TTC27: variants seen among roughly 807,000 people sequenced by gnomAD.
TTC27 encodes tetratricopeptide repeat protein 27.
Under a neutral mutation model 115.9 loss-of-function variants are expected in TTC27, and 79 were observed. The observed-to-expected ratio is 0.68, with a 90% CI of 0.57 to 0.82. TTC27 has a LOEUF of 0.82. Ranked by LOEUF, TTC27 falls within the 40% of genes least tolerant of loss-of-function variation. The pLI, the probability that TTC27 is intolerant of heterozygous loss-of-function variation, is 0.00. For synonymous variants in TTC27, 401 were observed against 356.0 expected, an observed-to-expected ratio of 1.13 and a Z score of -1.42; for missense variants, 1,054 against 993.1, an observed-to-expected ratio of 1.06 and a Z score of -0.82.
chr2:32,804,723 G>A (rs1038139700), intron 16 of TTC27, among the ~76,000 whole-genome samples: 5 of 151,450 alleles, frequency 3.3e-5, no homozygotes, highest in East Asian at 1.9e-4. Context: ...TAAGCATAAT[G>A]TTACAGTGAA....
intron 12 of TTC27, among the ~76,000 whole-genome samples, chr2:32,757,386 C>A (rs1669269973): frequency 6.6e-6 from 1 of 152,160 alleles, no homozygotes; most frequent in Admixed American, 6.5e-5. Context: ...TCCTTGAGGA[C>A]CCCAGAGGGC....
chr2:32,795,145 AAC>A (rs576480165), intron 16 of TTC27, among the ~76,000 whole-genome samples: 1 of 151,852 alleles, frequency 6.6e-6, no homozygotes, highest in African/African-American at 2.4e-5. Context: ...AAAAAAAAAA[AAC>A]AAACAAAACA....
chr2:32,729,154 T>C (rs752552020), intron 10 of TTC27, among the ~76,000 whole-genome samples: 3 of 152,234 alleles, frequency 2.0e-5, no homozygotes, highest in South Asian at 2.1e-4. Context: ...CTAGTGAGAA[T>C]GGATAGCTTT....
chr2:32,688,071 T>A (rs1468245694), intron 9 of TTC27, among the ~76,000 whole-genome samples: 2 of 152,148 alleles, frequency 1.3e-5, no homozygotes, highest in African/African-American at 4.8e-5. Context: ...AATAAATGAA[T>A]AAATTAAGAA....
chr2:32,817,313 C>A, intron 18 of TTC27, 144 bp from the exon 19 acceptor site: 1 of 619,220 alleles, frequency 1.6e-6, no homozygotes, highest in Non-Finnish European at 2.8e-6. Flanking sequence ...AATTATTATT[C>A]TTTTTCAACA....
At chr2:32,725,137 T>A in intron 10 of TTC27, among the ~76,000 whole-genome samples, 1 of 152,158 alleles carries the variant, frequency 6.6e-6, no homozygotes, top group East Asian at 1.9e-4. Context: ...AGGATGAGAT[T>A]TGAGTGGGGA....
intron 10 of TTC27, among the ~76,000 whole-genome samples, chr2:32,729,711 G>C (rs139428421): frequency 0.011 from 1,727 of 151,524 alleles, 32 homozygotes; most frequent in African/African-American, 0.041. Context: ...CTCTCTGCTT[G>C]TTACCTTTTA....
At chr2:32,664,785 C>A (rs1476595007) in intron 6 of TTC27, among the ~76,000 whole-genome samples, 3 of 151,616 alleles carry the variant, frequency 2.0e-5, no homozygotes, top group African/African-American at 4.8e-5. Context: ...CAAGTTTGGC[C>A]TCTCTGCATT....
At chr2:32,775,552 G>A (rs1669968718) in intron 13 of TTC27, among the ~76,000 whole-genome samples, 1 of 152,128 alleles carries the variant, frequency 6.6e-6, no homozygotes, top group African/African-American at 2.4e-5. Context: ...CTTTGCTGAT[G>A]CAGAAAACAA....
At chr2:32,742,809 A>G (rs1009879002) in intron 12 of TTC27, among the ~76,000 whole-genome samples, 4 of 152,058 alleles carry the variant, frequency 2.6e-5, no homozygotes, top group Non-Finnish European at 5.9e-5. Flanking sequence ...ATCAGAATCC[A>G]TTTTTTGCTC....
chr2:32,755,985 A>G (rs952792268), intron 12 of TTC27, among the ~76,000 whole-genome samples: 1 of 152,222 alleles, frequency 6.6e-6, no homozygotes, highest in Admixed American at 6.5e-5. Context: ...ATCATGGGAT[A>G]TCATGGACTA....
intron 13 of TTC27, among the ~76,000 whole-genome samples, chr2:32,765,317 G>C (rs35797726): frequency 0.37 from 56,340 of 151,628 alleles, 10,929 homozygotes; most frequent in South Asian, 0.51. Context: ...CTTGTGTGAC[G>C]AGGTGCTATG....
At chr2:32,665,443 T>C (rs1034627608) in intron 6 of TTC27, among the ~76,000 whole-genome samples, 3 of 152,218 alleles carry the variant, frequency 2.0e-5, no homozygotes, top group Non-Finnish European at 2.9e-5. Flanking sequence ...TTTGGGACTA[T>C]TGATGCCATA....
intron 16 of TTC27, among the ~76,000 whole-genome samples, chr2:32,797,443 G>A (rs1670746557): frequency 6.6e-6 from 1 of 152,094 alleles, no homozygotes; most frequent in Admixed American, 6.6e-5. Flanking sequence ...TTCCCAAAGT[G>A]CTGAAATTAC....
At chr2:32,791,267 G>A (rs1670524934) in intron 16 of TTC27, among the ~76,000 whole-genome samples, 1 of 152,064 alleles carries the variant, frequency 6.6e-6, no homozygotes, top group South Asian at 2.1e-4. Flanking sequence ...TGATTTGTTG[G>A]GATATTTTTC....
chr2:32,628,288 G>C lies in TTC27; in HGVS notation c.-5G>C. The C allele has an allele frequency of 6.2e-7, 1 of 1,602,352 alleles. No individual in the cohort carries two copies. Among genetic ancestry groups the C allele is most frequent in the Admixed American group, 1.8e-5 (1 of 57,032 alleles). On this transcript the variant is annotated 5_prime_UTR_variant, in exon 1 of 20. Coordinates refer to ENST00000317907, the MANE Select transcript of TTC27 (RefSeq NM_017735.5). ...CCTGTTTTGGCTGCAGCGGTGTCTG[G>C]GGTGATGTGGACCCCGGAGCTGGCA...
intron 14 of TTC27, among the ~76,000 whole-genome samples, chr2:32,779,787 A>G (rs1240041707): frequency 6.6e-6 from 1 of 152,182 alleles, no homozygotes; most frequent in African/African-American, 2.4e-5. Context: ...TAACTCTTTC[A>G]TTAAGGTCTA....
intron 8 of TTC27, 41 bp from the exon 9 acceptor site, chr2:32,678,815 T>C (rs1284339463): frequency 7.0e-7 from 1 of 1,426,656 alleles, no homozygotes; most frequent in East Asian, 2.3e-5. Flanking sequence ...AGCTACAACA[T>C]GCATCTTATA....
chr2:32,642,567 AAG>A (rs1425826709), intron 4 of TTC27, among the ~76,000 whole-genome samples: 2 of 152,050 alleles, frequency 1.3e-5, no homozygotes, highest in Non-Finnish European at 2.9e-5. Flanking sequence ...TTTGTTTTAA[AAG>A]AAGAGGTTAG....
Sources: gnomAD v4.1 joint callset for allele counts (sites outside exome capture counted in the v4.1 genomes callset) on GRCh38, gnomAD v4.1.1 for gene constraint, MANE v1.5 for transcripts, NCBI Gene and HGNC (gene_info 2026-07-23, HGNC 2026-07-21) for gene names.